The following PRKG1 variants were observed in gnomAD, a reference collection of about 807,000 sequenced individuals.
The protein encoded by PRKG1 is cGMP-dependent protein kinase 1.
PRKG1 carries 35 observed loss-of-function variants against 88.1 expected under a neutral mutation model. The observed-to-expected ratio is 0.40, with a 90% CI of 0.30 to 0.53. PRKG1 has a LOEUF of 0.53. PRKG1 is among the 20% of genes least tolerant of loss of function. The pLI is 0.59. For missense variants in PRKG1, 540 were observed against 839.8 expected, an observed-to-expected ratio of 0.64 and a Z score of 4.41; for synonymous variants, 303 against 292.5, an observed-to-expected ratio of 1.04 and a Z score of -0.37.
At chr10:51,593,211 A>G (rs913771273) in intron 3 of PRKG1, among the ~76,000 whole-genome samples, 5 of 152,188 alleles carry the variant, frequency 3.3e-5, no homozygotes, top group African/African-American at 4.8e-5. Flanking sequence ...TGTATACAGT[A>G]CTTTGAAGCT....
chr10:51,138,101 G>A (rs989224818), intron 1 of PRKG1, among the ~76,000 whole-genome samples: 9 of 152,158 alleles, frequency 5.9e-5, no homozygotes, highest in Admixed American at 2.0e-4. Flanking sequence ...TCAAAAGAAT[G>A]TAAGGTATCT....
At chr10:51,602,583 T>A (rs10762241) in intron 3 of PRKG1, among the ~76,000 whole-genome samples, 42,972 of 151,702 alleles carry the variant, frequency 0.28, 7,699 homozygotes, top group East Asian at 0.83. Context: ...CTGATTTTTT[T>A]AATTTATTTT....
chr10:52,233,499 T>G (rs1326677724), intron 9 of PRKG1, among the ~76,000 whole-genome samples: 1 of 148,656 alleles, frequency 6.7e-6, no homozygotes, highest in East Asian at 2.0e-4. Flanking sequence ...TTGCCTCACC[T>G]GGGAAGCGCA....
At chr10:51,246,969 T>C (rs903287878) in intron 2 of PRKG1, among the ~76,000 whole-genome samples, 3 of 152,074 alleles carry the variant, frequency 2.0e-5, no homozygotes, top group African/African-American at 7.2e-5. Flanking sequence ...AAAAGCAACA[T>C]TTCTGTGGTC....
At chr10:52,211,496 TTTAAGAATTATGCATGCG>T (rs1375585864) in intron 9 of PRKG1, among the ~76,000 whole-genome samples, 1 of 152,148 alleles carries the variant, frequency 6.6e-6, no homozygotes, top group African/African-American at 2.4e-5. Context: ...TTTATTTCTA[TTTAAGAATTATGCATGCG>T]TTTAGAAATT....
At chr10:51,698,998 T>C (rs947852929) in intron 3 of PRKG1, 1 of 1,614,264 alleles carries the variant, frequency 6.2e-7, no homozygotes, top group African/African-American at 1.3e-5. Flanking sequence ...GAGCAATCTC[T>C]GGATCCATGA....
chr10:51,237,362 C>A (rs1410899658), intron 2 of PRKG1, among the ~76,000 whole-genome samples: 1 of 152,196 alleles, frequency 6.6e-6, no homozygotes, highest in Admixed American at 6.5e-5. Context: ...GGGACACATG[C>A]TCCGGGAACA....
At chr10:52,064,113 G>A (rs1424555339) in intron 7 of PRKG1, among the ~76,000 whole-genome samples, 2 of 152,182 alleles carry the variant, frequency 1.3e-5, no homozygotes, top group Non-Finnish European at 2.9e-5. Flanking sequence ...TTCTGCCCAG[G>A]AACCTGTCTG....
chr10:52,028,314 T>C (rs900807798), intron 5 of PRKG1, among the ~76,000 whole-genome samples: 1 of 152,170 alleles, frequency 6.6e-6, no homozygotes, highest in Non-Finnish European at 1.5e-5. Context: ...ACTGCACGCA[T>C]TTTGAGGACA....
intron 1 of PRKG1, among the ~76,000 whole-genome samples, chr10:51,103,029 T>G (rs1161889483): frequency 1.3e-5 from 2 of 152,060 alleles, no homozygotes; most frequent in Non-Finnish European, 2.9e-5. Flanking sequence ...AAACCAGCTC[T>G]TGGAAATGAA....
Position 51,251,457 on chromosome 10 carries a change from G to A in PRKG1, c.478+98127G>A, listed in dbSNP as rs114508599. ...TGGAACAGCTTATTGTATCTGCCAG[G>A]CACTCAGCTGAATGTGCAGTGTTCC... On this transcript the variant is annotated intron_variant, in intron 2 of 17. Transcript: ENST00000373980. 5.7e-3 allele frequency among the ~76,000 whole-genome samples: 864 copies of A among 151,826 alleles called. 4 individuals carry two copies. The highest frequency in any genetic ancestry group is 0.02 in the African/African-American group (820 of 41,484).
At chr10:51,527,065 C>T (rs527601031) in intron 3 of PRKG1, among the ~76,000 whole-genome samples, 5 of 152,222 alleles carry the variant, frequency 3.3e-5, no homozygotes, top group Non-Finnish European at 5.9e-5. Context: ...CATGAAGAAA[C>T]GTGGCTGTGT....
chr10:51,531,857 C>G (rs924853640), intron 3 of PRKG1, among the ~76,000 whole-genome samples: 3 of 151,812 alleles, frequency 2.0e-5, no homozygotes, highest in Non-Finnish European at 2.9e-5. Context: ...GTTGACCAGG[C>G]TGGTCTTGAA....
intron 1 of PRKG1, among the ~76,000 whole-genome samples, chr10:51,077,324 A>G (rs1356199188): frequency 1.3e-5 from 2 of 152,192 alleles, no homozygotes; most frequent in East Asian, 1.9e-4. Flanking sequence ...AAACATACAT[A>G]TAGATTATTG....
intron 2 of PRKG1, among the ~76,000 whole-genome samples, chr10:51,253,052 A>G (rs188427292): frequency 2.1e-3 from 317 of 152,030 alleles, no homozygotes; most frequent in Middle Eastern, 6.8e-3. Flanking sequence ...CCAGTTGAGT[A>G]TATTTCACTT....
chr10:51,941,733 T>C (rs1842913151), intron 5 of PRKG1, among the ~76,000 whole-genome samples: 1 of 151,876 alleles, frequency 6.6e-6, no homozygotes, highest in African/African-American at 2.4e-5. Context: ...GATAGTTCAC[T>C]GAGAATGATG....
At chr10:51,698,133 C>G (rs1420983013) in intron 3 of PRKG1, 4 of 1,614,046 alleles carry the variant, frequency 2.5e-6, no homozygotes, top group Non-Finnish European at 3.4e-6. Flanking sequence ...TGAATTCCAC[C>G]AGTCATAGGG....
intron 3 of PRKG1, among the ~76,000 whole-genome samples, chr10:51,672,452 T>C (rs1388859371): frequency 6.6e-6 from 1 of 152,140 alleles, no homozygotes; most frequent in Non-Finnish European, 1.5e-5. Flanking sequence ...CATTTCTTTC[T>C]GATATTTCTG....
chr10:52,148,247 G>A (rs1243745605), intron 8 of PRKG1, among the ~76,000 whole-genome samples: 1 of 152,098 alleles, frequency 6.6e-6, no homozygotes, highest in African/African-American at 2.4e-5. Context: ...AACTGGGTTT[G>A]CTACTGTTAT....
Sources: gnomAD v4.1 joint callset for allele counts (sites outside exome capture counted in the v4.1 genomes callset) on GRCh38, gnomAD v4.1.1 for gene constraint, MANE v1.5 for transcripts, NCBI Gene and HGNC (gene_info 2026-07-23, HGNC 2026-07-21) for gene names.